Variants in FUT9 observed in about 807,000 individuals in gnomAD.
The protein encoded by FUT9 is 4-galactosyl-N-acetylglucosaminide 3-alpha-L-fucosyltransferase 9.
Under a neutral mutation model 29.7 loss-of-function variants are expected in FUT9, and 15 were observed. That is an observed-to-expected ratio of 0.51 (90% confidence interval 0.34 to 0.78). The LOEUF (loss-of-function observed/expected upper bound fraction) is 0.78. Among genes scored for constraint, FUT9 ranks in the 30% least tolerant of loss-of-function variants. The pLI is 0.01. For missense variants in FUT9, 319 were observed against 425.4 expected (o/e 0.75, Z 2.20); for synonymous variants, 169 against 153.7 (o/e 1.10, Z -0.74).
At chr6:96,040,639 A>G (rs1016630901) in intron 1 of FUT9, among the ~76,000 whole-genome samples, 12 of 152,158 alleles carry the variant, frequency 7.9e-5, no homozygotes, top group African/African-American at 2.7e-4. Flanking sequence ...CAGTTCAAAG[A>G]AAAGAGATGG....
At chr6:96,176,920 T>G (rs1773214802) in intron 2 of FUT9, among the ~76,000 whole-genome samples, 1 of 152,134 alleles carries the variant, frequency 6.6e-6, no homozygotes, top group Admixed American at 6.6e-5. Flanking sequence ...AGCTACTTCA[T>G]CACATTATGG....
intron 1 of FUT9, among the ~76,000 whole-genome samples, chr6:96,016,447 C>T (rs1159183075): frequency 6.6e-6 from 1 of 152,174 alleles, no homozygotes; most frequent in East Asian, 1.9e-4. Context: ...CGCAGTCCCG[C>T]CTCACCTTCC....
chr6:96,148,050 AAT>A (rs1554196165), intron 2 of FUT9, among the ~76,000 whole-genome samples: 56 of 146,064 alleles, frequency 3.8e-4, no homozygotes, highest in South Asian at 1.1e-3. Context: ...AGAAAAAAAA[AAT>A]ATTGAAACTG....
chr6:96,210,569 G>GA lies in FUT9; in HGVS notation c.*6336dup, dbSNP rs1773919158. 6.0e-6 allele frequency: 1 copy of GA among 166,562 alleles called. No homozygotes were observed. Among genetic ancestry groups the GA allele is most frequent in the Admixed American group, 6.6e-5 (1 of 15,196 alleles). The allele number at this position is 166,562 out of a possible 1,614,324, so 10.3% of individuals were successfully genotyped here. ...GAAATCACCAGTTCTCGTCTTGGAG[G>GA]AACTATTAGGAAAATAAAAGATTAT... On this transcript the variant is annotated 3_prime_UTR_variant, in exon 3 of 3. Transcript: ENST00000302103.
At chr6:96,186,293 T>C (rs1359461424) in intron 2 of FUT9, among the ~76,000 whole-genome samples, 1 of 152,150 alleles carries the variant, frequency 6.6e-6, no homozygotes, top group Non-Finnish European at 1.5e-5. Context: ...ACCACAGTGA[T>C]ACATTTTTAT....
intron 2 of FUT9, among the ~76,000 whole-genome samples, chr6:96,149,170 A>AAAT (rs1554196242): frequency 2.0e-5 from 3 of 150,078 alleles, no homozygotes; most frequent in Admixed American, 6.6e-5. Context: ...AAAAAAAAAA[A>AAAT]TTTTTTTTGA....
At chr6:96,160,366 G>C (rs1042401808) in intron 2 of FUT9, among the ~76,000 whole-genome samples, 1 of 152,114 alleles carries the variant, frequency 6.6e-6, no homozygotes, top group South Asian at 2.1e-4. Context: ...TATGCTGCCC[G>C]AGTTTGCAGA....
intron 2 of FUT9, among the ~76,000 whole-genome samples, chr6:96,133,598 T>G (rs1772292186): frequency 6.6e-6 from 1 of 151,928 alleles, no homozygotes; most frequent in African/African-American, 2.4e-5. Flanking sequence ...ACCCTCTGTC[T>G]CCTCAGGCAG....
chr6:96,201,061 T>C (rs1208595322), intron 2 of FUT9, among the ~76,000 whole-genome samples: 8 of 152,014 alleles, frequency 5.3e-5, no homozygotes, highest in African/African-American at 1.9e-4. Context: ...TCTTAATTTT[T>C]GTATTTTCCA....
At chr6:96,123,254 T>G (rs1257717189) in intron 2 of FUT9, among the ~76,000 whole-genome samples, 3 of 152,048 alleles carry the variant, frequency 2.0e-5, no homozygotes, top group Non-Finnish European at 4.4e-5. Context: ...ATTACTAACT[T>G]CCAGAGTGTT....
intron 1 of FUT9, among the ~76,000 whole-genome samples, chr6:96,030,451 A>G (rs1159442266): frequency 6.6e-6 from 1 of 151,638 alleles, no homozygotes; most frequent in Non-Finnish European, 1.5e-5. Context: ...TGAAAACAGA[A>G]CAAACAAACA....
rs182878201 is a variant in FUT9 at position 96,135,311 on chromosome 6, G to A, written c.-9+21184G>A. Among the ~76,000 whole-genome samples, 6 of 152,002 alleles carry A rather than the reference G, an allele frequency of 3.9e-5. No homozygotes were observed. In the East Asian group the frequency reaches 1.2e-3, roughly 29 times the overall value. On this transcript the variant is annotated intron_variant, in intron 2 of 2. Coordinates refer to ENST00000302103, the MANE Select transcript of FUT9 (RefSeq NM_006581.4). ...TCACCAAAAATTTGTGCCAGTAGAG[G>A]TATTTCTTTAGTTACTGCTTATTAT... is the stretch of plus-strand genomic sequence containing the variant.
At chr6:96,154,745 A>G (rs1006182238) in intron 2 of FUT9, among the ~76,000 whole-genome samples, 3 of 152,256 alleles carry the variant, frequency 2.0e-5, no homozygotes, top group African/African-American at 7.2e-5. Flanking sequence ...GTCTTAGATT[A>G]AGTAAAAAGA....
intron 1 of FUT9, among the ~76,000 whole-genome samples, chr6:96,108,174 A>G (rs1452440433): frequency 6.6e-6 from 1 of 152,074 alleles, no homozygotes; most frequent in Non-Finnish European, 1.5e-5. Context: ...TTTCTACCTA[A>G]TGTAAAGAGC....
intron 2 of FUT9, among the ~76,000 whole-genome samples, chr6:96,160,759 G>A (rs959985214): frequency 6.6e-6 from 1 of 152,108 alleles, no homozygotes; most frequent in African/African-American, 2.4e-5. Context: ...GCAGATCTAT[G>A]TATGAATTAA....
At chr6:96,063,435 T>C (rs1225343504) in intron 1 of FUT9, among the ~76,000 whole-genome samples, 1 of 151,902 alleles carries the variant, frequency 6.6e-6, no homozygotes, top group African/African-American at 2.4e-5. Flanking sequence ...GGGGCACACT[T>C]TACAACAATC....
At chr6:96,148,316 T>A (rs1352193119) in intron 2 of FUT9, among the ~76,000 whole-genome samples, 1 of 152,176 alleles carries the variant, frequency 6.6e-6, no homozygotes, top group African/African-American at 2.4e-5. Flanking sequence ...AAGTCCCTCC[T>A]ATCTCCACAA....
rs1773868315 is a variant in FUT9 at position 96,208,199 on chromosome 6, C to G, written c.*3964C>G. On this transcript the variant is annotated 3_prime_UTR_variant, in exon 3 of 3. Transcript: ENST00000302103. ...GGTTAAATATTAAAAGAATAGGAAA[C>G]TATGCCTCTGATATTTTTTTTGTCA... The G allele has an allele frequency of 9.4e-6, 1 of 106,508 alleles. No individual in the cohort carries two copies. The highest frequency in any genetic ancestry group is 5.0e-4 in the South Asian group (1 of 2,016). The allele number at this position is 106,508 out of a possible 1,614,324, so 6.6% of individuals were successfully genotyped here.
chr6:96,172,979 G>A (rs1348867529), intron 2 of FUT9, among the ~76,000 whole-genome samples: 2 of 152,116 alleles, frequency 1.3e-5, no homozygotes, highest in Non-Finnish European at 1.5e-5. Context: ...CAAAATGAAT[G>A]GTTTTATGGA....
Sources: allele counts gnomAD v4.1 joint callset (sites outside exome capture counted in the v4.1 genomes callset), GRCh38; gene constraint gnomAD v4.1.1; transcripts MANE v1.5; gene names NCBI Gene and HGNC (gene_info 2026-07-23, HGNC 2026-07-21).